Variants in ABCA12 observed in about 807,000 individuals in gnomAD.
ABCA12 encodes ATP binding cassette subfamily A member 12, also known as glucosylceramide transporter ABCA12.
ABCA12 carries 156 observed loss-of-function variants against 293.5 expected under a neutral mutation model. That is an observed-to-expected ratio of 0.53 (90% CI 0.47 to 0.61). The LOEUF (loss-of-function observed/expected upper bound fraction) is 0.61. Among genes scored for constraint, ABCA12 ranks in the 20% least tolerant of loss-of-function variants. The pLI, the probability that ABCA12 is intolerant of heterozygous loss-of-function variation, is 0.00. For missense variants in ABCA12, 2,797 were observed against 3,090.2 expected (o/e 0.91, Z 2.25); for synonymous variants, 1,063 against 1,108.0 (o/e 0.96, Z 0.81).
At chr2:215,002,874 G>A (rs552505817) in intron 20 of ABCA12, among the ~76,000 whole-genome samples, 70 of 152,236 alleles carry the variant, frequency 4.6e-4, no homozygotes, top group South Asian at 8.3e-4. Context: ...TCAGTGCTAC[G>A]TTCATTTTAA....
chr2:215,117,580 G>T (rs1160463257), intron 1 of ABCA12, among the ~76,000 whole-genome samples: 2 of 152,104 alleles, frequency 1.3e-5, no homozygotes, highest in Admixed American at 1.3e-4. Context: ...AAAAATTTGG[G>T]CAAAGCATAT....
rs1019727063 is a variant in ABCA12 at position 215,137,999 on chromosome 2, G to A, written c.69+141C>T. 6.9e-6 allele frequency: 6 copies of A among 873,624 alleles called. 1 individual carries two copies. Among genetic ancestry groups the A allele is most frequent in the African/African-American group, 1.7e-5 (1 of 60,604 alleles). 54.1% of individuals were successfully genotyped at this position (873,624 alleles called of 1,614,324 possible). The stretch of plus-strand genomic sequence containing the variant: ...TCCATTAGCTATAAGACAGATAGGG[G>A]GATGAATTCTAAATATCTTACTTCC... On this transcript the variant is annotated intron_variant, in intron 1 of 52. Coordinates refer to ENST00000272895, the MANE Select transcript of ABCA12 (RefSeq NM_173076.3).
Position 214,956,846 on chromosome 2 carries a change from C to G in ABCA12, c.6118-68G>C, listed in dbSNP as rs529899627. 2.1e-5 allele frequency: 23 copies of G among 1,110,670 alleles called. 1 individual carries two copies. The highest frequency in any genetic ancestry group is 1.2e-4 in the African/African-American group (8 of 64,450). 68.8% of individuals were successfully genotyped at this position (1,110,670 alleles called of 1,614,324 possible). A position where few individuals can be genotyped will look rare whatever the true frequency, so the allele number is the denominator to read the frequency against. ...TTTTCAAAAAAAAAAAAATCAATAA[C>G]CCATCTAGTTTAAAACTGCAACAAG... On this transcript the variant is annotated intron_variant, in intron 41 of 52. Coordinates refer to ENST00000272895, the MANE Select transcript of ABCA12 (RefSeq NM_173076.3).
At position 215,013,835 on chromosome 2, in the gene ABCA12, A is replaced by G. The variant is rs1325331102; in HGVS notation, c.1956+1655T>C. Among the ~76,000 whole-genome samples, 3 of 152,186 alleles carry G rather than the reference A, an allele frequency of 2.0e-5. No homozygotes were observed. In the East Asian group the frequency reaches 5.8e-4, roughly 29 times the overall value. ...TCTTTGCATTTAAAATATTTCAGTG[A>G]ACAAAGAGGCCCTTGTGGAACTAAC... On this transcript the variant is annotated intron_variant, in intron 15 of 52. Transcript: ENST00000272895.
At chr2:214,971,656 G>T (rs975264274) in intron 36 of ABCA12, among the ~76,000 whole-genome samples, 7 of 152,128 alleles carry the variant, frequency 4.6e-5, no homozygotes, top group Admixed American at 3.3e-4. Flanking sequence ...CATATGTTAT[G>T]TATGGTGGTC....
intron 47 of ABCA12, 135 bp downstream of exon 47, chr2:214,948,461 G>GAAA (rs1483532646): frequency 4.3e-6 from 4 of 940,590 alleles, no homozygotes; most frequent in Non-Finnish European, 6.4e-6. Flanking sequence ...CTGCCAGAAG[G>GAAA]AAAATGACAA....
intron 1 of ABCA12, among the ~76,000 whole-genome samples, chr2:215,130,533 T>C (rs985947510): frequency 2.0e-5 from 3 of 152,152 alleles, no homozygotes; most frequent in Admixed American, 2.0e-4. Context: ...AGATATATCA[T>C]TGTTGGTGTA....
chr2:215,094,411 C>T (rs1411881364), intron 2 of ABCA12, among the ~76,000 whole-genome samples: 1 of 152,166 alleles, frequency 6.6e-6, no homozygotes, highest in Non-Finnish European at 1.5e-5. Flanking sequence ...TGCTTCTCAT[C>T]AGTCACTCCT....
At chr2:214,989,683 A>T in intron 24 of ABCA12, 62 bp from the exon 25 acceptor site, 1 of 1,561,340 alleles carries the variant, frequency 6.4e-7, no homozygotes. Context: ...ACCCAGAGGT[A>T]TCCTAAAATA....
At chr2:214,974,699 A>G in intron 35 of ABCA12, 79 bp downstream of exon 35, 1 of 1,333,762 alleles carries the variant, frequency 7.5e-7, no homozygotes, top group Non-Finnish European at 1.1e-6. Context: ...CAAATAACAG[A>G]CACACACACC....
chr2:215,081,911 G>A (rs1017474084), intron 2 of ABCA12, among the ~76,000 whole-genome samples: 8 of 152,108 alleles, frequency 5.3e-5, no homozygotes, highest in Admixed American at 2.6e-4. Context: ...TGGGGATTGC[G>A]TTTTGTTACT....
rs1218886334 is a variant in ABCA12 at position 215,052,428 on chromosome 2, A to G, written c.507+59T>C. 3 of 1,390,074 alleles carry G rather than the reference A, an allele frequency of 2.2e-6. No individual in the cohort carries two copies. The African/African-American group carries it at 4.3e-5, about 20-fold the overall frequency. The allele number at this position is 1,390,074 out of a possible 1,614,324, so 86.1% of individuals were successfully genotyped here. A position where few individuals can be genotyped will look rare whatever the true frequency, so the allele number is the denominator to read the frequency against. On this transcript the variant is annotated intron_variant, in intron 5 of 52. Coordinates refer to ENST00000272895, the MANE Select transcript of ABCA12 (RefSeq NM_173076.3). ...ATCTTGCTATTTGAGAGATCCTTCT[A>G]TTAACCTAAAAGGCCTATGTTGAAT...
At chr2:215,099,420 C>T (rs867278216) in intron 2 of ABCA12, among the ~76,000 whole-genome samples, 9 of 152,196 alleles carry the variant, frequency 5.9e-5, no homozygotes, top group Non-Finnish European at 1.2e-4. Flanking sequence ...CCCAGCTGGG[C>T]GCGGTGGCTC....
intron 4 of ABCA12, among the ~76,000 whole-genome samples, chr2:215,053,874 C>T (rs937458599): frequency 6.6e-6 from 1 of 151,902 alleles, no homozygotes; most frequent in Non-Finnish European, 1.5e-5. Flanking sequence ...CTGTTTCGAG[C>T]GTTTATTTTT....
chr2:214,985,135 A>G (rs1468785047), intron 28 of ABCA12, among the ~76,000 whole-genome samples: 2 of 152,214 alleles, frequency 1.3e-5, no homozygotes, highest in Non-Finnish European at 2.9e-5. Context: ...CAAATAACAT[A>G]CTTTATATTA....
chr2:215,025,551 A>T, intron 11 of ABCA12, 122 bp downstream of exon 11: 1 of 681,780 alleles, frequency 1.5e-6, no homozygotes. Context: ...CAAAGATCAG[A>T]TTTAAAACTT....
intron 50 of ABCA12, among the ~76,000 whole-genome samples, chr2:214,940,827 T>C (rs1249425391): frequency 6.6e-6 from 1 of 152,174 alleles, no homozygotes; most frequent in Non-Finnish European, 1.5e-5. Flanking sequence ...CCCTTTATCA[T>C]TTTTTATTGT....
intron 2 of ABCA12, among the ~76,000 whole-genome samples, chr2:215,095,465 C>CTAACAAACCTTCTAACAA (rs1702232097): frequency 6.6e-6 from 1 of 152,118 alleles, no homozygotes; most frequent in African/African-American, 2.4e-5. Context: ...CTAACAAACC[C>CTAACAAACCTTCTAACAA]ACAATATCAC....
At chr2:215,052,703 C>G (rs1031276036) in intron 4 of ABCA12, 119 bp from the exon 5 acceptor site, 1 of 832,940 alleles carries the variant, frequency 1.2e-6, no homozygotes, top group Admixed American at 1.9e-5. Flanking sequence ...AGGATGTGCT[C>G]AAACATGCCT....
Sources: allele counts gnomAD v4.1 joint callset (sites outside exome capture counted in the v4.1 genomes callset), GRCh38; gene constraint gnomAD v4.1.1; transcripts MANE v1.5; gene names NCBI Gene and HGNC (gene_info 2026-07-23, HGNC 2026-07-21).